Variants in TMED5 observed in about 807,000 individuals in gnomAD.
The protein encoded by TMED5 is transmembrane emp24 domain-containing protein 5.
In TMED5, 27 loss-of-function variants were observed where a neutral mutation model predicts 23.0. The ratio of observed to expected loss-of-function variants is 1.17; its 90% confidence interval spans 0.86 to 1.62. The LOEUF (loss-of-function observed/expected upper bound fraction) is 1.62. Among genes scored for constraint, TMED5 ranks in the 40% most tolerant of loss-of-function variants. TMED5 has a pLI of 0.00. For synonymous variants in TMED5, 97 were observed against 100.8 expected (o/e 0.96, Z 0.23); for missense variants, 248 against 273.7 (o/e 0.91, Z 0.66).
At chr1:93,178,346 C>A (rs192612762) in intron 1 of TMED5, among the ~76,000 whole-genome samples, 57 of 152,218 alleles carry the variant, frequency 3.7e-4, no homozygotes, top group Admixed American at 9.8e-4. Flanking sequence ...TCTTTTTGTT[C>A]GCTTTTCTGA....
At position 93,154,495 on chromosome 1, in the gene TMED5, T is replaced by C. The variant is rs1647984305; in HGVS notation, c.*175A>G. The C allele has an allele frequency of 6.7e-6, 4 of 599,464 alleles. No homozygotes were observed. In the East Asian group the frequency reaches 8.4e-5, roughly 13 times the overall value. The allele number at this position is 599,464 out of a possible 1,614,324, so 37.1% of individuals were successfully genotyped here. ...TGTTACACACTTAAGTACAACTGGA[T>C]CAGCAGGATTACTTGCACAGAAAGT... On this transcript the variant is annotated 3_prime_UTR_variant, in exon 4 of 4. Transcript: ENST00000370282.
At chr1:93,157,009 C>T (rs999907008) in intron 2 of TMED5, among the ~76,000 whole-genome samples, 4 of 152,104 alleles carry the variant, frequency 2.6e-5, no homozygotes, top group Admixed American at 1.3e-4. Context: ...TGGTTAGTGA[C>T]CTCATTTTTG....
rs1027767630 is a variant in TMED5 at position 93,156,169 on chromosome 1, A to G, written c.471+131T>C. 47 of 1,138,970 alleles carry G rather than the reference A, an allele frequency of 4.1e-5. No homozygotes were observed. The South Asian group carries it at 7.0e-4, about 17-fold the overall frequency. The allele number at this position is 1,138,970 out of a possible 1,614,324, so 70.6% of individuals were successfully genotyped here. ...GCTGATACTTGAGGTCAAAGTATTT[A>G]TGGCAAAAATAAAATATTAGAAACA... On this transcript the variant is annotated intron_variant, in intron 3 of 3. Coordinates refer to ENST00000370282, the MANE Select transcript of TMED5 (RefSeq NM_016040.5).
intron 1 of TMED5, among the ~76,000 whole-genome samples, chr1:93,172,929 G>A (rs1481394480): frequency 6.6e-6 from 1 of 152,160 alleles, no homozygotes; most frequent in Non-Finnish European, 1.5e-5. Flanking sequence ...TACACTAAGT[G>A]AAATAAGCCA....
chr1:93,163,321 G>T (rs904599660), intron 1 of TMED5: 1 of 150,728 alleles, frequency 6.6e-6, no homozygotes, highest in Admixed American at 6.6e-5. Flanking sequence ...ACTATGGAAG[G>T]TTAATTAAAA....
In TMED5 at chr1:93,168,306, C is replaced by T. The variant is rs377500609; in HGVS notation, c.190-8080G>A. Among the ~76,000 whole-genome samples, 4 of 152,234 alleles carry T rather than the reference C, an allele frequency of 2.6e-5. No homozygotes were observed. The South Asian group carries it at 8.3e-4, about 32-fold the overall frequency. ...ATTAATCCAACAATATCAGTAAGTA[C>T]ATTGTGAATGGTCTAAATATGCCAA... On this transcript the variant is annotated intron_variant, in intron 1 of 3. Transcript: ENST00000370282.
chr1:93,158,601 A>G (rs1648158764), intron 2 of TMED5, among the ~76,000 whole-genome samples: 1 of 142,098 alleles, frequency 7.0e-6, no homozygotes, highest in Non-Finnish European at 1.5e-5. Flanking sequence ...TTTGAGATGG[A>G]GTCTCTGTCG....
intron 3 of TMED5, chr1:93,155,939 G>C: frequency 1.7e-6 from 1 of 594,572 alleles, no homozygotes; most frequent in Non-Finnish European, 2.8e-6. Flanking sequence ...TGTGAAATTA[G>C]AAAACATTTT....
Position 93,180,290 on chromosome 1 carries a change from C to T in TMED5, c.-48G>A. The T allele has an allele frequency of 6.5e-7, 1 of 1,546,054 alleles. No individual in the cohort carries two copies. The highest frequency in any genetic ancestry group is 2.3e-5 in the Admixed American group (1 of 44,166). On this transcript the variant is annotated 5_prime_UTR_variant, in exon 1 of 4. Coordinates refer to ENST00000370282, the MANE Select transcript of TMED5 (RefSeq NM_016040.5). ...TGAAAGAGGCGTCAGGTACTGTTGT[C>T]TCCGCTCCGCGTTTCCTCTCTGGAC...
At chr1:93,174,145 T>C (rs1648827749) in intron 1 of TMED5, among the ~76,000 whole-genome samples, 1 of 151,200 alleles carries the variant, frequency 6.6e-6, no homozygotes, top group Admixed American at 6.6e-5. Context: ...TTGTTTTTTC[T>C]TTTTTTTTAA....
chr1:93,167,375 T>C (rs1648546974), intron 1 of TMED5, among the ~76,000 whole-genome samples: 1 of 152,228 alleles, frequency 6.6e-6, no homozygotes, highest in Non-Finnish European at 1.5e-5. Context: ...TTTAACAATA[T>C]TGATTTTTCC....
intron 1 of TMED5, chr1:93,162,635 T>C (rs1648323855): frequency 6.6e-6 from 1 of 151,930 alleles, no homozygotes; most frequent in Admixed American, 6.6e-5. Context: ...GAAGAAAAAT[T>C]CCTGTTTCAA....
At chr1:93,172,242 A>G (rs535360389) in intron 1 of TMED5, among the ~76,000 whole-genome samples, 82 of 152,284 alleles carry the variant, frequency 5.4e-4, no homozygotes, top group African/African-American at 1.9e-3. Flanking sequence ...GGGAAAGAAA[A>G]GACATACCTA....
Position 93,180,089 on chromosome 1 carries a change from T to G in TMED5, c.154A>C (p.Met52Leu). 6.2e-7 allele frequency: 1 copy of G among 1,613,634 alleles called. No homozygotes were observed. Among genetic ancestry groups the G allele is most frequent in the Non-Finnish European group, 8.5e-7 (1 of 1,179,760 alleles). ...ATCTCCAGCGAGGCCTTCAGGGGCA[T>G]GGGCTGGTAGAAGCACTCCTTCTGG... ...AGQKECFYQPMPLKASLEIEY... is the reference protein window; with the variant it reads ...AGQKECFYQPLPLKASLEIEY... The change falls in exon 1 of 4, where the codon ATG becomes CTG. Residue 52 changes from methionine (M) to leucine (L), a missense_variant. Physicochemically the swap from Met to Leu is conservative, Grantham distance 15 (BLOSUM62 2). Transcript: ENST00000370282.
At chr1:93,174,461 T>C (rs906568331) in intron 1 of TMED5, among the ~76,000 whole-genome samples, 4 of 152,214 alleles carry the variant, frequency 2.6e-5, no homozygotes, top group African/African-American at 7.2e-5. Context: ...CTAGGCAACA[T>C]AGTGAGACCC....
intron 2 of TMED5, among the ~76,000 whole-genome samples, chr1:93,157,894 G>A (rs1487259418): frequency 6.6e-6 from 1 of 152,134 alleles, no homozygotes; most frequent in African/African-American, 2.4e-5. Flanking sequence ...GGAGGCCGAG[G>A]CAGGCAGATC....
chr1:93,171,408 C>T (rs1041183513), intron 1 of TMED5, among the ~76,000 whole-genome samples: 1 of 152,214 alleles, frequency 6.6e-6, no homozygotes, highest in African/African-American at 2.4e-5. Flanking sequence ...CCGCCAATTC[C>T]GGACACAGTG....
At chr1:93,166,771 A>T (rs1648523749) in intron 1 of TMED5, among the ~76,000 whole-genome samples, 1 of 152,060 alleles carries the variant, frequency 6.6e-6, no homozygotes, top group South Asian at 2.1e-4. Context: ...GCTTGATGTG[A>T]TCTCATTGGT....
At chr1:93,156,605 T>G in intron 2 of TMED5, 122 bp from the exon 3 acceptor site, 2 of 726,074 alleles carry the variant, frequency 2.8e-6, no homozygotes, top group South Asian at 3.7e-5. Context: ...AATCCCAGCA[T>G]TTTGAGAGGG....
Sources: gnomAD v4.1 joint callset for allele counts (sites outside exome capture counted in the v4.1 genomes callset) on GRCh38, gnomAD v4.1.1 for gene constraint, MANE v1.5 for transcripts, NCBI Gene and HGNC (gene_info 2026-07-23, HGNC 2026-07-21) for gene names.